MMP21: variants seen among roughly 807,000 people sequenced by gnomAD.
MMP21 encodes matrix metallopeptidase 21.
MMP21 carries 40 observed loss-of-function variants against 47.8 expected under a neutral mutation model. The observed-to-expected ratio is 0.84, with a 90% CI of 0.65 to 1.09. The LOEUF is 1.09. Among genes scored for constraint, MMP21 ranks in the 50% least tolerant of loss-of-function variants. MMP21 has a pLI of 0.00. For synonymous variants in MMP21, 341 were observed against 318.0 expected (o/e 1.07, Z -0.77); for missense variants, 747 against 775.3 (o/e 0.96, Z 0.43).
Position 125,774,156 on chromosome 10 carries a change from TG to T in MMP21, c.371del (p.Pro124HisfsTer53). 1.6e-6 allele frequency: 2 copies of T among 1,275,666 alleles called. No homozygotes were observed. The highest frequency in any genetic ancestry group is 2.7e-5 in the South Asian group (1 of 37,702). 79.0% of individuals were successfully genotyped at this position (1,275,666 alleles called of 1,614,324 possible). A position where few individuals can be genotyped will look rare whatever the true frequency, so the allele number is the denominator to read the frequency against. On this transcript the variant is annotated frameshift_variant, in exon 2 of 7. Transcript: ENST00000368808. LOFTEE classifies it high-confidence loss of function. ...GCGAAGGCGGGGCGGAGGGGGGCGG[TG>T]GGCGCATGTCCGGGACCCCGCAGCG... ...RPRCGVPDMRPPPPSAPPSPP... is the reference protein window; with the variant it reads ...RPRCGVPDMRXPPPSAPPSPP...
chr10:125,773,742 C>T lies in MMP21; in HGVS notation c.697+89G>A. On this transcript the variant is annotated intron_variant, in intron 2 of 6. Transcript: ENST00000368808. The surrounding 1 kb of genome is among the most constrained non-coding windows in gnomAD (Gnocchi z 4.8). ...GGACAGGCCGGGAGGGCTTAGCCCC[C>T]CATTCTGCAGGTGGCCGAGGTGGGG... 1 of 1,420,692 alleles carries T rather than the reference C, an allele frequency of 7.0e-7. No individual in the cohort carries two copies. The highest frequency in any genetic ancestry group is 9.2e-7 in the Non-Finnish European group (1 of 1,091,888). 88.0% of individuals were successfully genotyped at this position (1,420,692 alleles called of 1,614,324 possible). A position where few individuals can be genotyped will look rare whatever the true frequency, so the allele number is the denominator to read the frequency against.
chr10:125,773,240 C>T lies in MMP21; in HGVS notation c.698-490G>A, dbSNP rs1200664352. ...TGCAAAGCGGCTTGTCTGCTTGCTG[C>T]TTGTCTCTGACCACTTCCATGCCCT... On this transcript the variant is annotated intron_variant, in intron 2 of 6. Transcript: ENST00000368808. The surrounding 1 kb of genome is among the most constrained non-coding windows in gnomAD (Gnocchi z 4.8). Among the ~76,000 whole-genome samples the T allele has an allele frequency of 6.6e-6, 1 of 152,148 alleles. No homozygotes were observed. The highest frequency in any genetic ancestry group is 1.5e-5 in the Non-Finnish European group (1 of 68,026).
At chr10:125,770,646 T>A in intron 4 of MMP21, 55 bp from the exon 5 acceptor site, 1 of 1,581,574 alleles carries the variant, frequency 6.3e-7, no homozygotes, top group Admixed American at 1.8e-5. Context: ...GCAAAACTTA[T>A]ATTTTCATAT....
intron 5 of MMP21, 129 bp downstream of exon 5, chr10:125,770,205 G>A (rs1850430185): frequency 1.0e-6 from 1 of 990,286 alleles, no homozygotes. Context: ...CCAGTCTGAT[G>A]GAGCAGACAG....
At chr10:125,775,044 G>A (rs1850502594) in intron 1 of MMP21, among the ~76,000 whole-genome samples, 1 of 152,196 alleles carries the variant, frequency 6.6e-6, no homozygotes. Context: ...TGTGGGAGCT[G>A]GGGATTGGAC....
Position 125,773,559 on chromosome 10 carries a change from C to T in MMP21, c.697+272G>A, listed in dbSNP as rs1163038511. Among the ~76,000 whole-genome samples the T allele has an allele frequency of 2.0e-5, 3 of 152,128 alleles. No individual in the cohort carries two copies. The highest frequency in any genetic ancestry group is 4.4e-5 in the Non-Finnish European group (3 of 68,018). On this transcript the variant is annotated intron_variant, in intron 2 of 6. Transcript: ENST00000368808. This position sits in a 1 kb window ranked among gnomAD's most constrained non-coding sequence, Gnocchi z 4.8. Reference sequence around the variant, plus strand: ...AAGCTGGAGGCACAGGCAGGGGGCCCGAGTGGGACTTTGAGGAGCAGCCCG... The same window carrying T: ...AAGCTGGAGGCACAGGCAGGGGGCCTGAGTGGGACTTTGAGGAGCAGCCCG...
At position 125,773,550 on chromosome 10, in the gene MMP21, C is replaced by T. The variant is rs1016657788; in HGVS notation, c.697+281G>A. Among the ~76,000 whole-genome samples, 1 of 152,182 alleles carries T rather than the reference C, an allele frequency of 6.6e-6. No homozygotes were observed. The highest frequency in any genetic ancestry group is 2.4e-5 in the African/African-American group (1 of 41,456). ...TCCCTAGGGAAGCTGGAGGCACAGG[C>T]AGGGGGCCCGAGTGGGACTTTGAGG... On this transcript the variant is annotated intron_variant, in intron 2 of 6. Transcript: ENST00000368808. The surrounding 1 kb of genome is among the most constrained non-coding windows in gnomAD (Gnocchi z 4.8).
At position 125,774,144 on chromosome 10, in the gene MMP21, G is replaced by T; in HGVS notation, c.384C>A (p.Ser128=). 1.6e-6 allele frequency: 2 copies of T among 1,281,058 alleles called. No homozygotes were observed. Among genetic ancestry groups the T allele is most frequent in the Non-Finnish European group, 2.0e-6 (2 of 1,018,214 alleles). 79.4% of individuals were successfully genotyped at this position (1,281,058 alleles called of 1,614,324 possible). ...GVPDMRPPPP[S]APPSPPGPPP... is the part of the protein sequence containing the mutation. ...GCGGGCCCGGGGGCGAAGGCGGGGC[G>T]GAGGGGGGCGGTGGGCGCATGTCCG... The change falls in exon 2 of 7, where the codon TCC becomes TCA. Residue 128 remains serine (S), a synonymous_variant. Transcript: ENST00000368808.
At chr10:125,768,768 ATTCT>A (rs1850412779) in intron 5 of MMP21, among the ~76,000 whole-genome samples, 1 of 152,218 alleles carries the variant, frequency 6.6e-6, no homozygotes, top group African/African-American at 2.4e-5. Flanking sequence ...TATAATTATG[ATTCT>A]TTGAGTGTTG....
chr10:125,775,125 C>T (rs1261282757), intron 1 of MMP21, among the ~76,000 whole-genome samples: 1 of 152,206 alleles, frequency 6.6e-6, no homozygotes, highest in African/African-American at 2.4e-5. Context: ...GAAGGGGCCT[C>T]ATGGGTCCAC....
Position 125,775,813 on chromosome 10 carries a change from G to C in MMP21, c.9C>G (p.Ala3=), listed in dbSNP as rs149511576. 4 of 1,606,970 alleles carry C rather than the reference G, an allele frequency of 2.5e-6. No homozygotes were observed. The highest frequency in any genetic ancestry group is 1.1e-5 in the South Asian group (1 of 90,056). The change falls in exon 1 of 7, where the codon GCC becomes GCG. Residue 3 remains alanine, a synonymous_variant. Coordinates refer to ENST00000368808, the MANE Select transcript of MMP21 (RefSeq NM_147191.1). The part of the protein sequence containing the change: ML[A]ASIFRPTLLL... ...GCAGTGTCGGACGGAAGATGGAGGC[G>C]GCGAGCATTGGCCTGGTCTGAACCC...
chr10:125,767,752 A>G (rs748002899), intron 5 of MMP21, 48 bp from the exon 6 acceptor site: 4 of 1,588,840 alleles, frequency 2.5e-6, no homozygotes, highest in Non-Finnish European at 3.4e-6. Flanking sequence ...CTATTAAATC[A>G]CGTGACAAAA....
rs1322238345 is a variant in MMP21, at chr10:125,774,318, C to A, written c.210G>T (p.Gly70=). The A allele has an allele frequency of 1.3e-5, 18 of 1,411,640 alleles. No individual in the cohort carries two copies. The highest frequency in any genetic ancestry group is 1.6e-5 in the Non-Finnish European group (17 of 1,090,838). The allele number at this position is 1,411,640 out of a possible 1,614,324, so 87.4% of individuals were successfully genotyped here. A position where few individuals can be genotyped will look rare whatever the true frequency, so the allele number is the denominator to read the frequency against. Residue 70 remains glycine (G), a synonymous_variant, in exon 2 of 7, where the codon GGG becomes GGT. Transcript: ENST00000368808. The stretch of plus-strand genomic sequence containing the variant: ...TCTCCGGCGGCCCCTCGGGACTGGG[C>A]CCCCAGGCCGCCCACACCCCTGACC... The part of the protein sequence containing the change: ...YGWSGVWAAW[G]PSPEGPPETP...
chr10:125,774,019 G>A lies in MMP21; in HGVS notation c.509C>T (p.Ala170Val), dbSNP rs1362826049. Residue 170 changes from alanine to valine, a missense_variant, in exon 2 of 7, where the codon GCC becomes GTC. By Grantham distance (64) the Ala-to-Val change is moderately conservative. Coordinates refer to ENST00000368808, the MANE Select transcript of MMP21 (RefSeq NM_147191.1). ...RGYPDGGAAQ[A>V]FSKRTLSWRL... ...CCAGCTCAGCGTCCTCTTGGAGAAG[G>A]CCTGGGCAGCTCCGCCGTCGGGGTA... is the stretch of plus-strand genomic sequence containing the variant. 3.3e-6 allele frequency: 5 copies of A among 1,524,442 alleles called. No homozygotes were observed. The highest frequency in any genetic ancestry group is 4.4e-6 in the Non-Finnish European group (5 of 1,143,106). 94.4% of individuals were successfully genotyped at this position (1,524,442 alleles called of 1,614,324 possible).
Position 125,773,665 on chromosome 10 carries a change from C to T in MMP21, c.697+166G>A, listed in dbSNP as rs923977224. 4.6e-5 allele frequency among the ~76,000 whole-genome samples: 7 copies of T among 152,200 alleles called. No homozygotes were observed. Among genetic ancestry groups the T allele is most frequent in the Admixed American group, 4.6e-4 (7 of 15,300 alleles). ...ATCTGCAGGGTGACCATGATTCCGACAAGACGACGCTGACCGGTGGCTTCT... is the reference window on the plus strand; with the variant it reads ...ATCTGCAGGGTGACCATGATTCCGATAAGACGACGCTGACCGGTGGCTTCT... On this transcript the variant is annotated intron_variant, in intron 2 of 6. Transcript: ENST00000368808. The surrounding 1 kb of genome is among the most constrained non-coding windows in gnomAD (Gnocchi z 4.8).
Position 125,772,306 on chromosome 10 carries a change from C to T in MMP21, c.891G>A (p.Thr297=), listed in dbSNP as rs141490301. 285 of 1,614,150 alleles carry T rather than the reference C, an allele frequency of 1.8e-4. No homozygotes were observed. Among genetic ancestry groups the T allele is most frequent in the South Asian group, 1.4e-3 (124 of 91,074 alleles). The part of the protein sequence containing the change: ...HVLGLPHTYR[T]GSIMQPNYIP... ...TGTAATTTGGTTGCATTATGGATCC[C>T]GTCCTGTAGGTGTGAGGCAAGCCCA... Residue 297 remains threonine, a synonymous_variant, in exon 4 of 7, where the codon ACG becomes ACA. Transcript: ENST00000368808. The surrounding 1 kb of genome is among the most constrained non-coding windows in gnomAD (Gnocchi z 5.6).
chr10:125,772,502 C>T lies in MMP21; in HGVS notation c.837+109G>A. ...GAACTGGGGAGCCATTCCACGGATT[C>T]ACCTCCTCAGAGGTTGCGGACACTA... On this transcript the variant is annotated intron_variant, in intron 3 of 6. Coordinates refer to ENST00000368808, the MANE Select transcript of MMP21 (RefSeq NM_147191.1). The surrounding 1 kb of genome is among the most constrained non-coding windows in gnomAD (Gnocchi z 5.6). 1 of 1,577,138 alleles carries T rather than the reference C, an allele frequency of 6.3e-7. No individual in the cohort carries two copies. Among genetic ancestry groups the T allele is most frequent in the Non-Finnish European group, 8.7e-7 (1 of 1,152,396 alleles).
Position 125,770,550 on chromosome 10 carries a change from G to A in MMP21, c.1021C>T (p.Arg341Cys), listed in dbSNP as rs757119224. 9.9e-6 allele frequency: 16 copies of A among 1,613,872 alleles called. No homozygotes were observed. The highest frequency in any genetic ancestry group is 9.4e-5 in the African/African-American group (7 of 74,842). The change falls in exon 5 of 7, where the codon CGC (arginine) becomes TGC (cysteine). Residue 341 changes from arginine to cysteine, a missense_variant. By Grantham distance (180) the Arg-to-Cys change is radical. Coordinates refer to ENST00000368808, the MANE Select transcript of MMP21 (RefSeq NM_147191.1). Reference protein sequence around the residue: ...GSFDTAFDWIRKERNQYGEVM... With the variant: ...GSFDTAFDWICKERNQYGEVM... ...TCTCCATATTGGTTTCTCTCTTTGCGAATCCAGTCAAACGCAGTATCAAAT... is the reference window on the plus strand; with the variant it reads ...TCTCCATATTGGTTTCTCTCTTTGCAAATCCAGTCAAACGCAGTATCAAAT...
intron 5 of MMP21, among the ~76,000 whole-genome samples, chr10:125,769,699 A>T (rs1850425169): frequency 6.6e-6 from 1 of 152,152 alleles, no homozygotes; most frequent in African/African-American, 2.4e-5. Flanking sequence ...TGCCCCTTAA[A>T]AACACTTCTG....
Sources: gnomAD v4.1 joint callset for allele counts (sites outside exome capture counted in the v4.1 genomes callset) on GRCh38, gnomAD v4.1.1 for gene constraint, Gnocchi (gnomAD v3.1) non-coding constraint, MANE v1.5 for transcripts, NCBI Gene and HGNC (gene_info 2026-07-23, HGNC 2026-07-21) for gene names.